PHRF1: variants seen among roughly 807,000 people sequenced by gnomAD.
The protein encoded by PHRF1 is PHD and RING finger domain-containing protein 1.
PHRF1 carries 53 observed loss-of-function variants against 128.9 expected under a neutral mutation model. The ratio of observed to expected loss-of-function variants is 0.41; its 90% CI spans 0.33 to 0.52. PHRF1 has a LOEUF of 0.52. Ranked by LOEUF, PHRF1 falls within the 20% of genes least tolerant of loss-of-function variation. PHRF1 has a pLI of 0.21. For missense variants in PHRF1, 2,503 were observed against 2,284.5 expected (o/e 1.10, Z -1.95); for synonymous variants, 1,178 against 980.6 (o/e 1.20, Z -3.76).
At chr11:596,097 A>G (rs1391487777) in intron 6 of PHRF1, among the ~76,000 whole-genome samples, 1 of 152,180 alleles carries the variant, frequency 6.6e-6, no homozygotes, top group East Asian at 1.9e-4. Flanking sequence ...AGCCCGTGGT[A>G]AGTGGTAGTT....
chr11:597,634 T>TA lies in PHRF1; in HGVS notation c.894+64_894+65insA. The TA allele has an allele frequency of 8.5e-7, 1 of 1,178,570 alleles. No homozygotes were observed. Among genetic ancestry groups the TA allele is most frequent in the South Asian group, 1.4e-5 (1 of 72,568 alleles). The allele number at this position is 1,178,570 out of a possible 1,614,324, so 73.0% of individuals were successfully genotyped here. On this transcript the variant is annotated intron_variant, in intron 8 of 17. Transcript: ENST00000264555. This position sits in a 1 kb window ranked among gnomAD's most constrained non-coding sequence, Gnocchi z 6.5. ...GCTGCCCAGAGTGATCTCGGCAGTCTGGGTGGGTGGGAGGGGCGTCGTCGG... is the reference window on the plus strand; with the variant it reads ...GCTGCCCAGAGTGATCTCGGCAGTCTAGGGTGGGTGGGAGGGGCGTCGTCGG...
At position 601,670 on chromosome 11, in the gene PHRF1, G is replaced by T; in HGVS notation, c.1121G>T (p.Arg374Leu). 6.2e-7 allele frequency: 1 copy of T among 1,613,828 alleles called. No homozygotes were observed. Among genetic ancestry groups the T allele is most frequent in the Non-Finnish European group, 8.5e-7 (1 of 1,179,872 alleles). ...ACAAGATCTAAGAAACGCCAACATC[G>T]AGTGAAGAAGAGAAGAGGGAAGAAG... ...SATRSKKRQH[R>L]VKKRRGKKVK... Residue 374 changes from arginine to leucine, a missense_variant, in exon 10 of 18, where the codon CGA becomes CTA. Physicochemically the swap from Arg to Leu is moderately radical, Grantham distance 102 (BLOSUM62 -2). Coordinates refer to ENST00000264555, the MANE Select transcript of PHRF1 (RefSeq NM_001286581.2).
intron 3 of PHRF1, among the ~76,000 whole-genome samples, chr11:583,741 C>G (rs1012759310): frequency 6.6e-6 from 1 of 151,274 alleles, no homozygotes; most frequent in Non-Finnish European, 1.5e-5. Flanking sequence ...TCAAACAAAA[C>G]AAAGGGGAGA....
chr11:590,071 A>G (rs1281466267), intron 4 of PHRF1, among the ~76,000 whole-genome samples: 3 of 150,048 alleles, frequency 2.0e-5, no homozygotes, highest in Admixed American at 6.6e-5. Flanking sequence ...GCAAACGGGC[A>G]TGGAGCGTGC....
At position 610,306 on chromosome 11, in the gene PHRF1, G is replaced by T; in HGVS notation, c.4375G>T (p.Val1459Leu). Residue 1459 changes from valine to leucine, a missense_variant, in exon 15 of 18, where the codon GTG (valine) becomes TTG (leucine). Transcript: ENST00000264555. Reference protein sequence around the residue: ...VFSELPFPSHVLPEPGFPDTD... With the variant: ...VFSELPFPSHLLPEPGFPDTD... ...CTCCGAGCTGCCCTTTCCCAGTCAC[G>T]TGCTTCCGGAACCCGGGTTCCCAGA... The T allele has an allele frequency of 6.4e-7, 1 of 1,565,302 alleles. No individual in the cohort carries two copies. The highest frequency in any genetic ancestry group is 8.7e-7 in the Non-Finnish European group (1 of 1,155,124).
At chr11:595,233 G>T (rs540273953) in intron 6 of PHRF1, among the ~76,000 whole-genome samples, 1 of 152,266 alleles carries the variant, frequency 6.6e-6, no homozygotes, top group East Asian at 1.9e-4. Flanking sequence ...TGAGGCACGC[G>T]AATACCTTGA....
At chr11:591,612 G>A in intron 5 of PHRF1, 145 bp downstream of exon 5, 1 of 715,792 alleles carries the variant, frequency 1.4e-6, no homozygotes, top group Non-Finnish European at 2.2e-6. Flanking sequence ...TGCCCCTTGT[G>A]GCCATGAGCC....
At position 591,467 on chromosome 11, in the gene PHRF1, G is replaced by C; in HGVS notation, c.504G>C (p.Lys168Asn). The change falls in exon 5 of 18, where the codon AAG (lysine) becomes AAC (asparagine). Residue 168 changes from lysine (K) to asparagine (N), a missense_variant and splice_region_variant. Coordinates refer to ENST00000264555, the MANE Select transcript of PHRF1 (RefSeq NM_001286581.2). ...RAQFGGKILR[K>N]IPVENTKASE... ...AATTTGGTGGTAAAATCTTAAGAAA[G>C]GTGAGTGTGGACGCTGCCGTGGAGG... The C allele has an allele frequency of 6.2e-7, 1 of 1,606,752 alleles. No homozygotes were observed. Among genetic ancestry groups the C allele is most frequent in the Non-Finnish European group, 8.5e-7 (1 of 1,176,452 alleles).
chr11:607,103 C>A lies in PHRF1; in HGVS notation c.1647C>A (p.Ser549=). The A allele has an allele frequency of 6.2e-7, 1 of 1,605,454 alleles. No individual in the cohort carries two copies. Among genetic ancestry groups the A allele is most frequent in the Non-Finnish European group, 8.5e-7 (1 of 1,175,590 alleles). ...TTCAGCGAAACTCAGGCAGTCTGTC[C>A]AGAGGGGAAGAAGGATTCAAGGGCT... ...VSFQRNSGSL[S]RGEEGFKGCL... Residue 549 remains serine (S), a synonymous_variant, in exon 14 of 18, where the codon TCC becomes TCA. Transcript: ENST00000264555.
chr11:610,066 TG>T (rs1856268858), intron 14 of PHRF1, 129 bp from the exon 15 acceptor site: 5 of 1,213,546 alleles, frequency 4.1e-6, no homozygotes, highest in Non-Finnish European at 5.6e-6. Flanking sequence ...CCCTTGGTGC[TG>T]GGGGTGGATC....
chr11:611,536 T>A (rs1250534991), intron 17 of PHRF1, 98 bp from the exon 18 acceptor site: 1 of 1,536,094 alleles, frequency 6.5e-7, no homozygotes, highest in Non-Finnish European at 8.9e-7. Context: ...GGCCTGCTCC[T>A]GAGCAGGGCA....
intron 4 of PHRF1, among the ~76,000 whole-genome samples, chr11:590,579 T>G (rs1854908377): frequency 1.3e-5 from 2 of 152,222 alleles, no homozygotes; most frequent in African/African-American, 4.8e-5. Flanking sequence ...TCAGTTAAAA[T>G]CAGTGTTTTC....
At position 609,608 on chromosome 11, in the gene PHRF1, T is replaced by G. The variant is rs754154528; in HGVS notation, c.4152T>G (p.Pro1384=). 2.5e-6 allele frequency: 4 copies of G among 1,590,112 alleles called. No homozygotes were observed. In the African/African-American group the frequency reaches 4.0e-5, roughly 16 times the overall value. ...ASGRVQEAAR[P]EEVVSQTPLL... The stretch of plus-strand genomic sequence containing the variant: ...GGAGGGTACAGGAGGCAGCCCGGCC[T>G]GAGGAGGTGGTTTCGCAGACCCCCC... Residue 1384 remains proline, a synonymous_variant, in exon 14 of 18, where the codon CCT becomes CCG. Transcript: ENST00000264555.
intron 6 of PHRF1, among the ~76,000 whole-genome samples, chr11:596,549 C>T (rs1053078302): frequency 6.6e-6 from 1 of 152,210 alleles, no homozygotes; most frequent in South Asian, 2.1e-4. Context: ...CAGGATACCA[C>T]AGGCTGGGCA....
At chr11:583,254 G>C (rs533057540) in intron 3 of PHRF1, among the ~76,000 whole-genome samples, 9 of 152,058 alleles carry the variant, frequency 5.9e-5, no homozygotes, top group Non-Finnish European at 1.2e-4. Context: ...CAGGAGAATT[G>C]CTGGAACCCG....
At chr11:598,702 C>G (rs1414164195) in intron 9 of PHRF1, among the ~76,000 whole-genome samples, 200 bp downstream of exon 9, 1 of 152,272 alleles carries the variant, frequency 6.6e-6, no homozygotes, top group African/African-American at 2.4e-5. Flanking sequence ...ACCACGCTGC[C>G]TCTGGCATTG....
At position 581,509 on chromosome 11, in the gene PHRF1, A is replaced by G; in HGVS notation, c.-4A>G. 1 of 1,613,588 alleles carries G rather than the reference A, an allele frequency of 6.2e-7. No individual in the cohort carries two copies. The highest frequency in any genetic ancestry group is 8.5e-7 in the Non-Finnish European group (1 of 1,179,848). On this transcript the variant is annotated 5_prime_UTR_variant, in exon 2 of 18. Coordinates refer to ENST00000264555, the MANE Select transcript of PHRF1 (RefSeq NM_001286581.2). ...TCTTTCAGAGCTGAGCTCAATGTGC[A>G]GCAATGGATGACGACAGCCTGGATG...
At chr11:606,825 T>C in intron 13 of PHRF1, 1 of 856,744 alleles carries the variant, frequency 1.2e-6, no homozygotes, top group Non-Finnish European at 1.7e-6. Flanking sequence ...CCTGATGGGG[T>C]ACTGCCCCCG....
intron 4 of PHRF1, among the ~76,000 whole-genome samples, chr11:589,791 G>A (rs1854826546): frequency 6.7e-6 from 1 of 149,634 alleles, no homozygotes; most frequent in African/African-American, 2.5e-5. Flanking sequence ...CAGCCTGAGA[G>A]GGTGTCTGCA....
Sources: gnomAD v4.1 joint callset for allele counts (sites outside exome capture counted in the v4.1 genomes callset) on GRCh38, gnomAD v4.1.1 for gene constraint, Gnocchi (gnomAD v3.1) non-coding constraint, MANE v1.5 for transcripts, NCBI Gene and HGNC (gene_info 2026-07-23, HGNC 2026-07-21) for gene names.